Variants in GALNT7 observed in about 807,000 individuals in gnomAD.
GALNT7 encodes the protein N-acetylgalactosaminyltransferase 7.
Under a neutral mutation model 82.1 loss-of-function variants are expected in GALNT7, and 60 were observed. The ratio of observed to expected loss-of-function variants is 0.73; its 90% CI spans 0.59 to 0.91. GALNT7 has a LOEUF of 0.91. Ranked by LOEUF, GALNT7 falls within the 40% of genes least tolerant of loss-of-function variation. The probability of loss-of-function intolerance (pLI) is 0.00; values close to 1 mark genes in which losing one functional copy is unlikely to be tolerated. For missense variants in GALNT7, 660 were observed against 804.2 expected, an observed-to-expected ratio of 0.82 and a Z score of 2.17; for synonymous variants, 243 against 275.1, an observed-to-expected ratio of 0.88 and a Z score of 1.15.
chr4:173,298,366 G>A, intron 6 of GALNT7, 69 bp downstream of exon 6: 1 of 1,020,308 alleles, frequency 9.8e-7, no homozygotes, highest in Non-Finnish European at 1.4e-6. Flanking sequence ...CTCTTGCCAA[G>A]CTAAAGATTC....
intron 2 of GALNT7, among the ~76,000 whole-genome samples, chr4:173,262,632 A>C (rs1179597020): frequency 6.6e-6 from 1 of 152,218 alleles, no homozygotes; most frequent in Non-Finnish European, 1.5e-5. Flanking sequence ...AAAAACTTCC[A>C]GATAACCAAT....
chr4:173,283,327 C>T (rs1736184401), intron 2 of GALNT7, among the ~76,000 whole-genome samples: 1 of 152,082 alleles, frequency 6.6e-6, no homozygotes, highest in Non-Finnish European at 1.5e-5. Flanking sequence ...GAACTTTGTT[C>T]CACAAGGAAT....
rs1387551316 is a variant in GALNT7, at chr4:173,322,519, C to A, written c.*802C>A. The A allele has an allele frequency of 6.6e-6, 1 of 152,158 alleles. No individual in the cohort carries two copies. Among genetic ancestry groups the A allele is most frequent in the Non-Finnish European group, 1.5e-5 (1 of 68,014 alleles). The allele number at this position is 152,158 out of a possible 1,614,324, so 9.4% of individuals were successfully genotyped here. A position where few individuals can be genotyped will look rare whatever the true frequency, so the allele number is the denominator to read the frequency against. On this transcript the variant is annotated 3_prime_UTR_variant, in exon 12 of 12. Transcript: ENST00000265000. The stretch of plus-strand genomic sequence containing the variant: ...GCATTCCCAGTGCCCTCTGTCCATA[C>A]CTACTTCTAGGATTGCAAAGGAGTC...
intron 1 of GALNT7, among the ~76,000 whole-genome samples, chr4:173,211,748 C>T (rs1344411846): frequency 1.3e-5 from 2 of 151,978 alleles, no homozygotes; most frequent in Admixed American, 1.3e-4. Flanking sequence ...ATTTTATATG[C>T]ATTTCCATGT....
chr4:173,267,763 T>C (rs79940503), intron 2 of GALNT7, among the ~76,000 whole-genome samples: 4,597 of 151,702 alleles, frequency 0.03, 98 homozygotes, highest in South Asian at 0.069. Flanking sequence ...CTTCTAGCAA[T>C]TGTGGATAAT....
chr4:173,247,849 T>C (rs1005095623), intron 1 of GALNT7, 131 bp from the exon 2 acceptor site: 3 of 601,622 alleles, frequency 5.0e-6, no homozygotes, highest in Non-Finnish European at 8.8e-6. Context: ...TCCTGATTAA[T>C]GGCCCGCTTG....
chr4:173,220,071 A>G (rs762407841), intron 1 of GALNT7, among the ~76,000 whole-genome samples: 11 of 152,150 alleles, frequency 7.2e-5, no homozygotes, highest in Non-Finnish European at 1.6e-4. Context: ...TTTGCCTAAC[A>G]AAGCTATTGT....
chr4:173,179,871 C>G (rs1452527057), intron 1 of GALNT7, among the ~76,000 whole-genome samples: 2 of 152,192 alleles, frequency 1.3e-5, no homozygotes, highest in African/African-American at 2.4e-5. Context: ...GCGTGAAGTT[C>G]TCTAGAAGTT....
intron 1 of GALNT7, among the ~76,000 whole-genome samples, chr4:173,190,156 G>T (rs1230721811): frequency 6.6e-6 from 1 of 151,980 alleles, no homozygotes; most frequent in African/African-American, 2.4e-5. Flanking sequence ...GTACTGTTAG[G>T]GATCCATGCC....
At chr4:173,231,286 G>A (rs1345249586) in intron 1 of GALNT7, among the ~76,000 whole-genome samples, 3 of 152,162 alleles carry the variant, frequency 2.0e-5, no homozygotes, top group East Asian at 1.9e-4. Flanking sequence ...GCCAAAGATA[G>A]CCTTATAACA....
At chr4:173,224,819 T>C (rs945911847) in intron 1 of GALNT7, among the ~76,000 whole-genome samples, 25 of 151,772 alleles carry the variant, frequency 1.6e-4, no homozygotes, top group African/African-American at 5.1e-4. Flanking sequence ...CAGACCATCC[T>C]GGCTAACACG....
intron 1 of GALNT7, among the ~76,000 whole-genome samples, chr4:173,180,215 G>GT (rs896057920): frequency 2.8e-4 from 40 of 145,446 alleles, no homozygotes; most frequent in South Asian, 6.6e-4. Flanking sequence ...AGTCAATTAA[G>GT]TTTTTTTTTT....
At chr4:173,199,777 G>A (rs2126651560) in intron 1 of GALNT7, among the ~76,000 whole-genome samples, 1 of 152,342 alleles carries the variant, frequency 6.6e-6, no homozygotes, top group African/African-American at 2.4e-5. Flanking sequence ...GGTGGTGATA[G>A]TTGGTAATAG....
chr4:173,297,863 G>A (rs1736777543), intron 5 of GALNT7: 1 of 1,505,216 alleles, frequency 6.6e-7, no homozygotes, highest in South Asian at 1.3e-5. Flanking sequence ...CCACAGCAAG[G>A]TGGGGATGAA....
At chr4:173,180,250 A>G (rs1008625220) in intron 1 of GALNT7, among the ~76,000 whole-genome samples, 3 of 152,022 alleles carry the variant, frequency 2.0e-5, no homozygotes, top group African/African-American at 7.2e-5. Flanking sequence ...TGCTCTTATG[A>G]AAAACACATA....
At chr4:173,175,657 AC>A (rs1380058609) in intron 1 of GALNT7, among the ~76,000 whole-genome samples, 1 of 152,212 alleles carries the variant, frequency 6.6e-6, no homozygotes, top group Non-Finnish European at 1.5e-5. Flanking sequence ...TCGGTGTGTA[AC>A]CCTGTCATAA....
intron 2 of GALNT7, among the ~76,000 whole-genome samples, chr4:173,253,837 T>G (rs17059262): frequency 0.073 from 11,123 of 152,232 alleles, 831 homozygotes; most frequent in African/African-American, 0.19. Flanking sequence ...TGGGAAGAAG[T>G]AGAAAATTCT....
At chr4:173,263,389 A>G (rs1024388980) in intron 2 of GALNT7, among the ~76,000 whole-genome samples, 24 of 152,226 alleles carry the variant, frequency 1.6e-4, no homozygotes, top group Admixed American at 1.5e-3. Flanking sequence ...TTAGATAATT[A>G]AGATGCTCAC....
At chr4:173,227,089 C>G (rs1317290918) in intron 1 of GALNT7, among the ~76,000 whole-genome samples, 1 of 152,066 alleles carries the variant, frequency 6.6e-6, no homozygotes, top group Non-Finnish European at 1.5e-5. Context: ...GAAAAATAAC[C>G]TAAAAATTAG....
Sources: allele counts gnomAD v4.1 joint callset (sites outside exome capture counted in the v4.1 genomes callset), GRCh38; gene constraint gnomAD v4.1.1; transcripts MANE v1.5; gene names NCBI Gene and HGNC (gene_info 2026-07-23, HGNC 2026-07-21).